The following COL18A1 variants were observed in gnomAD, a reference collection of about 807,000 sequenced individuals.
The protein encoded by COL18A1 is collagen type XVIII alpha 1 chain.
COL18A1 carries 133 observed loss-of-function variants against 168.0 expected under a neutral mutation model. The observed-to-expected ratio is 0.79, with a 90% CI of 0.69 to 0.91. The LOEUF is 0.91. Among genes scored for constraint, COL18A1 ranks in the 40% least tolerant of loss-of-function variants. COL18A1 has a pLI of 0.00. For synonymous variants in COL18A1, 949 were observed against 809.0 expected (o/e 1.17, Z -2.94); for missense variants, 2,126 against 1,925.4 (o/e 1.10, Z -1.95).
chr21:45,477,941 C>T lies in COL18A1; in HGVS notation c.1197C>T (p.Gly399=), dbSNP rs1316109264. The T allele has an allele frequency of 1.9e-6, 3 of 1,553,564 alleles. No individual in the cohort carries two copies. The highest frequency in any genetic ancestry group is 2.6e-6 in the Non-Finnish European group (3 of 1,145,436). The change falls in exon 8 of 42, where the codon GGC becomes GGT. Residue 399 remains glycine, a synonymous_variant. Coordinates refer to ENST00000651438, the MANE Select transcript of COL18A1 (RefSeq NM_001379500.1). ...CCCCAGGGCCTCCGGGGAGGGACGG[C>T]ACCCCTGGAAGGGACGGCGAGCCGG... is the stretch of plus-strand genomic sequence containing the variant. The part of the protein sequence containing the change: ...QGPPGPPGRD[G]TPGRDGEPGD...
In COL18A1 at chr21:45,504,484, C is replaced by T. The variant is rs1235895404; in HGVS notation, c.2796C>T (p.Phe932=). 1.3e-5 allele frequency: 20 copies of T among 1,599,284 alleles called. No homozygotes were observed. The highest frequency in any genetic ancestry group is 1.0e-4 in the Admixed American group (6 of 58,660). The change falls in exon 34 of 42, where the codon TTC becomes TTT. Residue 932 remains phenylalanine (F), a synonymous_variant. Coordinates refer to ENST00000651438, the MANE Select transcript of COL18A1 (RefSeq NM_001379500.1). ...GGGGGGAGCCCGGGGGCGGCGGTTT[C>T]TTCGGCTCCAGCCTGCCCGGCCCCC... is the stretch of plus-strand genomic sequence containing the variant. ...GERGEPGGGG[F]FGSSLPGPPG...
intron 2 of COL18A1, among the ~76,000 whole-genome samples, chr21:45,458,216 C>T (rs534721494): frequency 1.2e-4 from 18 of 151,162 alleles, no homozygotes; most frequent in East Asian, 1.9e-4. Context: ...CTTGTGGATG[C>T]GCCCCAGAAG....
At chr21:45,477,556 C>T (rs1183252592) in intron 7 of COL18A1, 69 bp downstream of exon 7, 1 of 1,444,832 alleles carries the variant, frequency 6.9e-7, no homozygotes, top group East Asian at 2.5e-5. Flanking sequence ...GGGCCACTCA[C>T]TGGTGAGCCC....
At chr21:45,482,867 C>T (rs202091967) in intron 15 of COL18A1, 46 bp downstream of exon 15, 5 of 1,613,832 alleles carry the variant, frequency 3.1e-6, no homozygotes, top group South Asian at 2.2e-5. Context: ...CCCTGGTGCC[C>T]ACTCAGTGCT....
intron 2 of COL18A1, among the ~76,000 whole-genome samples, chr21:45,429,107 T>G (rs556504002): frequency 6.6e-6 from 1 of 152,236 alleles, no homozygotes; most frequent in Non-Finnish European, 1.5e-5. Flanking sequence ...TTCATCATGT[T>G]GGCCAGGATG....
rs372137898 is a variant in COL18A1, at chr21:45,492,702, G to C, written c.2203G>C (p.Ala735Pro). ...CTTTCCCCAGGGCCGGCCGGGTTTC[G>C]CAGGCTTTCCCGTGAGTAACCTGGT... ...VPGPEGRPGF[A>P]GFPGPAGPKG... Residue 735 changes from alanine to proline, a missense_variant, in exon 24 of 42, where the codon GCA (alanine) becomes CCA (proline). Ala to Pro is a conservative substitution (Grantham distance 27, BLOSUM62 -1). Coordinates refer to ENST00000651438, the MANE Select transcript of COL18A1 (RefSeq NM_001379500.1). The C allele has an allele frequency of 4.7e-5, 75 of 1,609,204 alleles. 1 individual carries two copies. The African/African-American group carries it at 8.0e-4, about 17-fold the overall frequency.
chr21:45,454,310 A>T (rs1440736848), intron 2 of COL18A1, among the ~76,000 whole-genome samples: 1 of 152,076 alleles, frequency 6.6e-6, no homozygotes, highest in Non-Finnish European at 1.5e-5. Context: ...ACAGCTGGGG[A>T]CAGGTTGTGG....
intron 36 of COL18A1, 86 bp from the exon 37 acceptor site, chr21:45,505,752 G>C: frequency 1.8e-6 from 2 of 1,116,172 alleles, no homozygotes; most frequent in Admixed American, 2.0e-5. Context: ...CCCCTGCCCA[G>C]CACCCTGAAA....
chr21:45,505,919 CAGG>C lies in COL18A1; in HGVS notation c.3175_3177del (p.Glu1059del). 2 of 1,613,136 alleles carry C rather than the reference CAGG, an allele frequency of 1.2e-6. No individual in the cohort carries two copies. Among genetic ancestry groups the C allele is most frequent in the Non-Finnish European group, 8.5e-7 (1 of 1,179,980 alleles). ...GGGCTGGCTCATCTTCGTGGCCGAG[CAGG>C]AGGAGCTCTACGTCCGCGTGCAGAA... On this transcript the variant is annotated inframe_deletion, in exon 37 of 42. Transcript: ENST00000651438.
At chr21:45,484,963 T>C (rs2036057984) in intron 15 of COL18A1, among the ~76,000 whole-genome samples, 1 of 151,980 alleles carries the variant, frequency 6.6e-6, no homozygotes, top group Non-Finnish European at 1.5e-5. Context: ...GTAAACCAAA[T>C]AGAAAATGAA....
At chr21:45,444,433 C>T (rs948178627) in intron 2 of COL18A1, among the ~76,000 whole-genome samples, 2 of 151,912 alleles carry the variant, frequency 1.3e-5, no homozygotes, top group East Asian at 3.9e-4. Context: ...TGTGGTGAGG[C>T]GTAGGGCTGG....
Position 45,498,119 on chromosome 21 carries a change from G to A in COL18A1, c.2683+458G>A. 1 of 630,050 alleles carries A rather than the reference G, an allele frequency of 1.6e-6. No individual in the cohort carries two copies. Among genetic ancestry groups the A allele is most frequent in the South Asian group, 1.8e-5 (1 of 55,740 alleles). 39.0% of individuals were successfully genotyped at this position (630,050 alleles called of 1,614,324 possible). On this transcript the variant is annotated intron_variant, in intron 32 of 41. Coordinates refer to ENST00000651438, the MANE Select transcript of COL18A1 (RefSeq NM_001379500.1). The surrounding 1 kb of genome is among the most constrained non-coding windows in gnomAD (Gnocchi z 4.5). ...GCACCCCTGCTCCCCCAAAGGACAA[G>A]AATTCCCCCCTGAGCCCCACCTCCA...
intron 7 of COL18A1, 67 bp from the exon 8 acceptor site, chr21:45,477,683 C>A: frequency 7.1e-7 from 1 of 1,418,364 alleles, no homozygotes. Flanking sequence ...GAGGGCGCAG[C>A]GGGACACGTG....
chr21:45,479,468 TAC>T (rs1195643129), intron 9 of COL18A1, among the ~76,000 whole-genome samples: 20 of 152,076 alleles, frequency 1.3e-4, no homozygotes, highest in South Asian at 8.3e-4. Flanking sequence ...CACACGTGGA[TAC>T]ACACATACAC....
intron 18 of COL18A1, 52 bp downstream of exon 18, chr21:45,488,496 C>T (rs766759535): frequency 1.2e-6 from 2 of 1,613,224 alleles, no homozygotes; most frequent in South Asian, 1.1e-5. Context: ...GGCCCTGTCT[C>T]GACATCTTGG....
intron 1 of COL18A1, 66 bp downstream of exon 1, chr21:45,405,307 C>CCCGGGGCTCGGCCGGGTCCT: frequency 1.3e-6 from 1 of 784,850 alleles, no homozygotes. Flanking sequence ...TCGCGGGGGT[C>CCCGGGGCTCGGCCGGGTCCT]GCGGGGCTCG....
At chr21:45,456,875 G>C (rs2034846710) in intron 2 of COL18A1, 2 of 1,443,262 alleles carry the variant, frequency 1.4e-6, no homozygotes, top group Non-Finnish European at 1.8e-6. Context: ...CATTGGGCCG[G>C]CTGCAGGTAA....
chr21:45,432,844 C>T (rs114065856), intron 2 of COL18A1, among the ~76,000 whole-genome samples: 5,499 of 152,266 alleles, frequency 0.036, 108 homozygotes, highest in Middle Eastern at 0.061. Flanking sequence ...AGGCCTCCCT[C>T]GGTACAGCCG....
chr21:45,506,553 G>A (rs2037213607), intron 37 of COL18A1: 1 of 197,284 alleles, frequency 5.1e-6, no homozygotes, highest in Non-Finnish European at 1.1e-5. Context: ...CTCTGATCCA[G>A]GTGGGTGCGG....
Sources: allele counts gnomAD v4.1 joint callset (sites outside exome capture counted in the v4.1 genomes callset), GRCh38; gene constraint gnomAD v4.1.1; non-coding constraint Gnocchi (gnomAD v3.1); transcripts MANE v1.5; gene names NCBI Gene and HGNC (gene_info 2026-07-23, HGNC 2026-07-21).